Variants in DSCAML1 observed in about 807,000 individuals in gnomAD.
DSCAML1 encodes the protein DS cell adhesion molecule like 1, also known as cell adhesion molecule DSCAML1.
In DSCAML1, 38 loss-of-function variants were observed where a neutral mutation model predicts 200.5. The ratio of observed to expected loss-of-function variants is 0.19; its 90% confidence interval spans 0.15 to 0.25. The LOEUF (loss-of-function observed/expected upper bound fraction) is 0.25. Ranked by LOEUF, DSCAML1 falls within the 10% of genes least tolerant of loss-of-function variation. The pLI is 1.00. For synonymous variants in DSCAML1, 1,215 were observed against 1,165.0 expected, an observed-to-expected ratio of 1.04 and a Z score of -0.87; for missense variants, 2,223 against 2,858.8, an observed-to-expected ratio of 0.78 and a Z score of 5.07.
chr11:117,531,911 AAGGAAAGGGAAGGGAAGGGAGG>A (rs1364807311), intron 4 of DSCAML1, among the ~76,000 whole-genome samples: 1 of 95,710 alleles, frequency 1.0e-5, no homozygotes, highest in African/African-American at 4.7e-5. Flanking sequence ...AAGGGAAGGG[AAGGAAAGGGAAGGGAAGGGAGG>A]AGGGAGGAGG....
At chr11:117,442,847 G>C (rs894323660) in intron 21 of DSCAML1, among the ~76,000 whole-genome samples, 4 of 152,124 alleles carry the variant, frequency 2.6e-5, no homozygotes, top group Admixed American at 2.0e-4. Context: ...GGGAGAGCTA[G>C]CTCACTCCTT....
chr11:117,436,374 T>C (rs1003003192), intron 26 of DSCAML1, among the ~76,000 whole-genome samples: 9 of 152,174 alleles, frequency 5.9e-5, no homozygotes, highest in African/African-American at 2.2e-4. Context: ...GAGCTTTGCT[T>C]AAGAGTCACC....
In DSCAML1 at chr11:117,518,305, T is replaced by G; in HGVS notation, c.1510+161A>C. 4 of 928,090 alleles carry G rather than the reference T, an allele frequency of 4.3e-6. No homozygotes were observed. In the South Asian group the frequency reaches 6.1e-5, roughly 14 times the overall value. The allele number at this position is 928,090 out of a possible 1,614,324, so 57.5% of individuals were successfully genotyped here. ...GCACACAAGAATGGATGATGGCGCT[T>G]GAGGAGGGCAGGAAAAGGGGACGAG... On this transcript the variant is annotated intron_variant, in intron 7 of 32. Transcript: ENST00000651296. This position sits in a 1 kb window ranked among gnomAD's most constrained non-coding sequence, Gnocchi z 6.3.
chr11:117,712,771 G>A (rs1208371425), intron 3 of DSCAML1, among the ~76,000 whole-genome samples: 3 of 151,980 alleles, frequency 2.0e-5, no homozygotes, highest in East Asian at 3.9e-4. Flanking sequence ...GAAAAGTGAC[G>A]ACCGTTCTCG....
chr11:117,786,240 A>G (rs1404064005), intron 1 of DSCAML1, among the ~76,000 whole-genome samples: 4 of 152,250 alleles, frequency 2.6e-5, no homozygotes, highest in African/African-American at 9.6e-5. Flanking sequence ...TTTTTAATAG[A>G]AAATGGAAGT....
chr11:117,497,443 G>T (rs497744), intron 11 of DSCAML1, among the ~76,000 whole-genome samples: 15,123 of 152,248 alleles, frequency 0.099, 965 homozygotes, highest in East Asian at 0.21. Context: ...GGGCTGCGGC[G>T]GGGAGCCTGG....
intron 3 of DSCAML1, chr11:117,709,641 C>T (rs605500): frequency 0.99 from 450,939 of 454,716 alleles, 223,712 homozygotes; most frequent in East Asian, 1. Flanking sequence ...GAGAGGGTTA[C>T]AGAACCATAA....
rs190196886 is a variant in DSCAML1, at chr11:117,533,605, A to C, written c.512-1083T>G. On this transcript the variant is annotated intron_variant, in intron 3 of 32. Coordinates refer to ENST00000651296, the MANE Select transcript of DSCAML1 (RefSeq NM_020693.4). The stretch of plus-strand genomic sequence containing the variant: ...GTGCTCTATGTCTCCTGCCACTGCC[A>C]CAGCCATCTCTGCCCCGACTGTTGG... 1.2e-4 allele frequency among the ~76,000 whole-genome samples: 19 copies of C among 152,330 alleles called. No individual in the cohort carries two copies. The East Asian group carries it at 3.3e-3, about 26-fold the overall frequency.
In DSCAML1 at chr11:117,637,315, G is replaced by A. The variant is rs1164366482; in HGVS notation, c.512-104793C>T. Among the ~76,000 whole-genome samples, 5 of 151,804 alleles carry A rather than the reference G, an allele frequency of 3.3e-5. 1 individual carries two copies. The highest frequency in any genetic ancestry group is 1.3e-4 in the Admixed American group (2 of 15,262). On this transcript the variant is annotated intron_variant, in intron 3 of 32. Transcript: ENST00000651296. ...AGGCCCTGTCCATGGTGGTATCCCA[G>A]TGTTATTGTGCATAGTAGGTGCTCA... is the stretch of plus-strand genomic sequence containing the variant.
At chr11:117,693,699 G>C (rs1224288993) in intron 3 of DSCAML1, among the ~76,000 whole-genome samples, 1 of 152,070 alleles carries the variant, frequency 6.6e-6, no homozygotes, top group African/African-American at 2.4e-5. Flanking sequence ...GGCTTTTGGG[G>C]TCTCAGTTTC....
intron 21 of DSCAML1, 132 bp downstream of exon 21, chr11:117,443,754 G>A (rs1209470218): frequency 2.4e-5 from 30 of 1,269,178 alleles, no homozygotes; most frequent in South Asian, 4.4e-5. Flanking sequence ...GGAGGCAGGC[G>A]GGTGGCCAGT....
chr11:117,585,142 T>C (rs559477483), intron 3 of DSCAML1, among the ~76,000 whole-genome samples: 66 of 152,332 alleles, frequency 4.3e-4, no homozygotes, highest in Middle Eastern at 3.4e-3. Context: ...TCCTTCCACG[T>C]GACTCGCCTC....
At chr11:117,512,760 ATCACACACAC>A (rs2049659576) in intron 8 of DSCAML1, among the ~76,000 whole-genome samples, 1 of 60,716 alleles carries the variant, frequency 1.6e-5, no homozygotes, top group African/African-American at 5.8e-5. Context: ...GTCCTCTAGG[ATCACACACAC>A]ACACACACAC....
chr11:117,648,301 G>A (rs1483242030), intron 3 of DSCAML1, among the ~76,000 whole-genome samples: 1 of 152,148 alleles, frequency 6.6e-6, no homozygotes, highest in Non-Finnish European at 1.5e-5. Flanking sequence ...GGTGCTCCTG[G>A]GTCTCCCCAG....
intron 4 of DSCAML1, among the ~76,000 whole-genome samples, chr11:117,530,809 G>A (rs1409067959): frequency 2.6e-5 from 4 of 152,100 alleles, no homozygotes; most frequent in African/African-American, 9.7e-5. Context: ...CACCTAGACT[G>A]GTTCCTTTTC....
chr11:117,766,988 G>T (rs1375918967), intron 3 of DSCAML1, among the ~76,000 whole-genome samples: 1 of 152,112 alleles, frequency 6.6e-6, no homozygotes, highest in Non-Finnish European at 1.5e-5. Context: ...CCCCTCCCTG[G>T]CTGTGTGACC....
At position 117,518,507 on chromosome 11, in the gene DSCAML1, A is replaced by G. The variant is rs765503970; in HGVS notation, c.1469T>C (p.Leu490Ser). The part of the protein sequence containing the change: ...GGVYRCTARN[L>S]VGSAEYQARI... ...CGCCTGATATTCAGCACTGCCCACC[A>G]AGTTCCGCGCTGTGCACCGGTACAC... The change falls in exon 7 of 33, where the codon TTG (leucine) becomes TCG (serine). Residue 490 changes from leucine (L) to serine (S), a missense_variant. By Grantham distance (145) the Leu-to-Ser change is moderately radical. Transcript: ENST00000651296. The surrounding 1 kb of genome is among the most constrained non-coding windows in gnomAD (Gnocchi z 6.3). 4 of 1,614,160 alleles carry G rather than the reference A, an allele frequency of 2.5e-6. No individual in the cohort carries two copies. The highest frequency in any genetic ancestry group is 2.2e-5 in the South Asian group (2 of 91,076).
At chr11:117,579,145 C>A (rs557426150) in intron 3 of DSCAML1, among the ~76,000 whole-genome samples, 1 of 152,224 alleles carries the variant, frequency 6.6e-6, no homozygotes, top group Non-Finnish European at 1.5e-5. Flanking sequence ...CCTCCCCCAC[C>A]GAGGCTCTGC....
At chr11:117,436,326 C>T (rs533501727) in intron 26 of DSCAML1, among the ~76,000 whole-genome samples, 3 of 152,332 alleles carry the variant, frequency 2.0e-5, no homozygotes, top group South Asian at 2.1e-4. Context: ...CTCCTGCTGA[C>T]ATAACCCTCT....
Sources: gnomAD v4.1 joint callset for allele counts (sites outside exome capture counted in the v4.1 genomes callset) on GRCh38, gnomAD v4.1.1 for gene constraint, Gnocchi (gnomAD v3.1) non-coding constraint, MANE v1.5 for transcripts, NCBI Gene and HGNC (gene_info 2026-07-23, HGNC 2026-07-21) for gene names.